DYNC2H1: variants seen among roughly 807,000 people sequenced by gnomAD.
The protein encoded by DYNC2H1 is dynein cytoplasmic 2 heavy chain 1.
In DYNC2H1, 410 loss-of-function variants were observed where a neutral mutation model predicts 570.0. That is an observed-to-expected ratio of 0.72 (90% confidence interval 0.66 to 0.78). The LOEUF (loss-of-function observed/expected upper bound fraction) is 0.78, where lower values mean the gene tolerates loss of function less well. Among genes scored for constraint, DYNC2H1 ranks in the 30% least tolerant of loss-of-function variants. The probability of loss-of-function intolerance (pLI) is 0.00; values close to 1 mark genes in which losing one functional copy is unlikely to be tolerated. For missense variants in DYNC2H1, 4,865 were observed against 5,046.4 expected, an observed-to-expected ratio of 0.96 and a Z score of 1.09; for synonymous variants, 1,688 against 1,677.6, an observed-to-expected ratio of 1.01 and a Z score of -0.15.
In DYNC2H1 at chr11:103,261,370, G is replaced by A. The variant is rs1040982403; in HGVS notation, c.10695+1393G>A. Among the ~76,000 whole-genome samples, 1 of 152,226 alleles carries A rather than the reference G, an allele frequency of 6.6e-6. No homozygotes were observed. Among genetic ancestry groups the A allele is most frequent in the Admixed American group, 6.5e-5 (1 of 15,286 alleles). ...GCTAAGGGACAGATTGCCTTCTCAA[G>A]TGGGTCCCTGACCCCTGTGCCTCCT... On this transcript the variant is annotated intron_variant, in intron 70 of 88. Transcript: ENST00000375735. The surrounding 1 kb of genome is among the most constrained non-coding windows in gnomAD (Gnocchi z 4.8).
intron 87 of DYNC2H1, 131 bp from the exon 88 acceptor site, chr11:103,468,458 A>G (rs1945266934): frequency 4.9e-6 from 3 of 615,192 alleles, no homozygotes; most frequent in Middle Eastern, 2.8e-4. Context: ...TCAAAGTACC[A>G]TAATCTTTGT....
At chr11:103,232,518 C>A (rs1048058302) in intron 60 of DYNC2H1, among the ~76,000 whole-genome samples, 2 of 151,882 alleles carry the variant, frequency 1.3e-5, no homozygotes, top group Non-Finnish European at 2.9e-5. Context: ...ATTATAGAGT[C>A]ATTGTTGAGA....
At chr11:103,364,014 A>T (rs1237412756) in intron 83 of DYNC2H1, among the ~76,000 whole-genome samples, 1 of 152,198 alleles carries the variant, frequency 6.6e-6, no homozygotes. Context: ...AATAAAAAAT[A>T]TGCAAATGTC....
chr11:103,461,577 C>G lies in DYNC2H1; in HGVS notation c.12648+5221C>G, dbSNP rs1945012037. ...CCTCCAAGGCTGAGAGAGGATTGCC[C>G]TAGCAACACTTCGAGTGCTCAGTAG... On this transcript the variant is annotated intron_variant, in intron 87 of 88. Transcript: ENST00000375735. The surrounding 1 kb of genome is among the most constrained non-coding windows in gnomAD (Gnocchi z 4.8). Among the ~76,000 whole-genome samples the G allele has an allele frequency of 6.6e-6, 1 of 152,164 alleles. No individual in the cohort carries two copies. Among genetic ancestry groups the G allele is most frequent in the South Asian group, 2.1e-4 (1 of 4,828 alleles).
At chr11:103,394,340 T>A (rs1942299818) in intron 83 of DYNC2H1, among the ~76,000 whole-genome samples, 1 of 152,150 alleles carries the variant, frequency 6.6e-6, no homozygotes, top group South Asian at 2.1e-4. Context: ...ATTGAAAATA[T>A]CCTGAAATAA....
At chr11:103,225,523 CTA>C (rs1863769070) in intron 59 of DYNC2H1, among the ~76,000 whole-genome samples, 2 of 152,036 alleles carry the variant, frequency 1.3e-5, no homozygotes, top group African/African-American at 4.8e-5. Flanking sequence ...TTTCCCTACT[CTA>C]TGTTTTTGTT....
At chr11:103,124,320 C>T (rs536263916) in intron 11 of DYNC2H1, among the ~76,000 whole-genome samples, 1 of 151,732 alleles carries the variant, frequency 6.6e-6, no homozygotes, top group African/African-American at 2.4e-5. Flanking sequence ...GGTGGCTTGC[C>T]TGTTGTCCCA....
intron 87 of DYNC2H1, among the ~76,000 whole-genome samples, chr11:103,467,438 C>T (rs571891982): frequency 1.3e-5 from 2 of 152,296 alleles, no homozygotes; most frequent in South Asian, 4.1e-4. Context: ...TATCTTCACT[C>T]TTCCAATTTA....
chr11:103,311,062 G>T (rs918371434), intron 78 of DYNC2H1, among the ~76,000 whole-genome samples: 1 of 151,968 alleles, frequency 6.6e-6, no homozygotes, highest in African/African-American at 2.4e-5. Flanking sequence ...TTTCAAAGGG[G>T]ATGACTAATT....
At position 103,254,928 on chromosome 11, in the gene DYNC2H1, C is replaced by T. The variant is rs555061277; in HGVS notation, c.10207-487C>T. Among the ~76,000 whole-genome samples, 2 of 151,642 alleles carry T rather than the reference C, an allele frequency of 1.3e-5. No individual in the cohort carries two copies. The highest frequency in any genetic ancestry group is 2.4e-5 in the African/African-American group (1 of 41,262). On this transcript the variant is annotated intron_variant, in intron 66 of 88. Transcript: ENST00000375735. This position sits in a 1 kb window ranked among gnomAD's most constrained non-coding sequence, Gnocchi z 4.9. Reference sequence around the variant, plus strand: ...CTGGGATTACAGGCGCCCACCACCACGCCTGGCTAATTTTTTGTATTTTTA... The same window carrying T: ...CTGGGATTACAGGCGCCCACCACCATGCCTGGCTAATTTTTTGTATTTTTA...
Position 103,334,857 on chromosome 11 carries a change from A to T in DYNC2H1, c.12039+10867A>T, listed in dbSNP as rs766489896. ...AAGATTGCTGTGGAGTAATCTTTCC[A>T]CATGCTGCAGAGAGAAGGGTATTTT... On this transcript the variant is annotated intron_variant, in intron 82 of 88. Coordinates refer to ENST00000375735, the MANE Select transcript of DYNC2H1 (RefSeq NM_001377.3). This position sits in a 1 kb window ranked among gnomAD's most constrained non-coding sequence, Gnocchi z 4.3. Among the ~76,000 whole-genome samples the T allele has an allele frequency of 1.3e-5, 2 of 152,138 alleles. No individual in the cohort carries two copies. Among genetic ancestry groups the T allele is most frequent in the Non-Finnish European group, 2.9e-5 (2 of 67,962 alleles).
At chr11:103,411,446 G>A (rs1196138197) in intron 84 of DYNC2H1, among the ~76,000 whole-genome samples, 2 of 150,560 alleles carry the variant, frequency 1.3e-5, no homozygotes, top group African/African-American at 4.9e-5. Flanking sequence ...AGCCGTTGAG[G>A]TACTCATGAT....
chr11:103,206,941 A>G (rs1328385896), intron 52 of DYNC2H1, among the ~76,000 whole-genome samples: 1 of 152,038 alleles, frequency 6.6e-6, no homozygotes, highest in Non-Finnish European at 1.5e-5. Flanking sequence ...TTTTTTTCCA[A>G]GACAGAGTCT....
chr11:103,264,442 T>G lies in DYNC2H1; in HGVS notation c.10695+4465T>G, dbSNP rs917974828. ...GGCCAATATCGCTGATGAACATTGA[T>G]TAGAAAATCCTCAATAAAATATTGG... On this transcript the variant is annotated intron_variant, in intron 70 of 88. Coordinates refer to ENST00000375735, the MANE Select transcript of DYNC2H1 (RefSeq NM_001377.3). The surrounding 1 kb of genome is among the most constrained non-coding windows in gnomAD (Gnocchi z 4.8). 2.0e-5 allele frequency among the ~76,000 whole-genome samples: 3 copies of G among 152,126 alleles called. No individual in the cohort carries two copies. Among genetic ancestry groups the G allele is most frequent in the African/African-American group, 4.8e-5 (2 of 41,418 alleles).
chr11:103,380,412 C>G (rs1226309084), intron 83 of DYNC2H1, among the ~76,000 whole-genome samples: 1 of 152,064 alleles, frequency 6.6e-6, no homozygotes, highest in Non-Finnish European at 1.5e-5. Flanking sequence ...GTGATTTACA[C>G]TAGAAATTAT....
At position 103,235,759 on chromosome 11, in the gene DYNC2H1, G is replaced by C; in HGVS notation, c.9655G>C (p.Glu3219Gln). ...AFITYLSAAP[E>Q]SLRKTCLEEW... ...TATTACATATCTTTCTGCTGCTCCT[G>C]AATCTCTGAGAAAAACCTGTTTGGA... Residue 3219 changes from glutamate to glutamine, a missense_variant, in exon 62 of 89, where the codon GAA (glutamate) becomes CAA (glutamine). Coordinates refer to ENST00000375735, the MANE Select transcript of DYNC2H1 (RefSeq NM_001377.3). The C allele has an allele frequency of 1.2e-6, 2 of 1,611,778 alleles. No individual in the cohort carries two copies. Among genetic ancestry groups the C allele is most frequent in the Non-Finnish European group, 1.7e-6 (2 of 1,178,564 alleles).
At chr11:103,415,040 A>T (rs535861027) in intron 84 of DYNC2H1, among the ~76,000 whole-genome samples, 97 of 152,320 alleles carry the variant, frequency 6.4e-4, no homozygotes, top group African/African-American at 2.3e-3. Context: ...AACTTTGACA[A>T]ACCTGAGAAA....
At chr11:103,339,576 T>C (rs1939335887) in intron 82 of DYNC2H1, among the ~76,000 whole-genome samples, 1 of 152,048 alleles carries the variant, frequency 6.6e-6, no homozygotes, top group Admixed American at 6.5e-5. Flanking sequence ...GTCTTACGTA[T>C]TTTTTCCTCT....
intron 84 of DYNC2H1, among the ~76,000 whole-genome samples, chr11:103,422,839 C>T (rs1365119971): frequency 6.6e-6 from 1 of 151,970 alleles, no homozygotes. Context: ...CTAGCCAGGG[C>T]AATTGGGAAA....
Sources: allele counts gnomAD v4.1 joint callset (sites outside exome capture counted in the v4.1 genomes callset), GRCh38; gene constraint gnomAD v4.1.1; non-coding constraint Gnocchi (gnomAD v3.1); transcripts MANE v1.5; gene names NCBI Gene and HGNC (gene_info 2026-07-23, HGNC 2026-07-21).